The following PCDHA4 variants were observed in gnomAD, a reference collection of about 807,000 sequenced individuals.
PCDHA4 encodes protocadherin alpha 4.
A neutral mutation model predicts 61.4 loss-of-function variants in PCDHA4; 49 were observed. The observed-to-expected ratio is 0.80, with a 90% CI of 0.63 to 1.01. The LOEUF (loss-of-function observed/expected upper bound fraction) is 1.01. PCDHA4 is among the 50% of genes least tolerant of loss of function. The pLI is 0.00. For synonymous variants in PCDHA4, 590 were observed against 550.3 expected, an observed-to-expected ratio of 1.07 and a Z score of -1.01; for missense variants, 1,254 against 1,235.8, an observed-to-expected ratio of 1.01 and a Z score of -0.22.
intron 1 of PCDHA4, 27 bp from the exon 2 acceptor site, chr5:140,978,922 C>G: frequency 6.2e-7 from 1 of 1,613,966 alleles, no homozygotes; most frequent in Non-Finnish European, 8.5e-7. Context: ...GTCATTTTAA[C>G]AGAAAACTCT....
intron 1 of PCDHA4, among the ~76,000 whole-genome samples, chr5:140,978,203 C>T (rs1231262283): frequency 6.6e-6 from 1 of 152,178 alleles, no homozygotes; most frequent in East Asian, 1.9e-4. Context: ...CAATACACAA[C>T]TAATGCAAAA....
intron 1 of PCDHA4, chr5:140,828,380 G>T (rs150162226): frequency 6.2e-6 from 10 of 1,603,536 alleles, no homozygotes; most frequent in African/African-American, 1.3e-5. Flanking sequence ...GGAGCTGTGC[G>T]GGCGGAGCGC....
intron 1 of PCDHA4, chr5:140,843,814 GA>G (rs1158286974): frequency 7.9e-7 from 1 of 1,259,766 alleles, no homozygotes; most frequent in African/African-American, 1.5e-5. Context: ...ATTTTATAGT[GA>G]AAATTTAAAC....
intron 1 of PCDHA4, among the ~76,000 whole-genome samples, chr5:140,934,564 A>T (rs2089922231): frequency 6.6e-6 from 1 of 152,076 alleles, no homozygotes; most frequent in African/African-American, 2.4e-5. Flanking sequence ...TCTTTTTTTT[A>T]ATTAATTGTA....
At chr5:140,905,182 A>C (rs1283931938) in intron 1 of PCDHA4, among the ~76,000 whole-genome samples, 1 of 152,172 alleles carries the variant, frequency 6.6e-6, no homozygotes. Context: ...TTTAGATTTA[A>C]GTCTTTGATC....
chr5:140,866,796 G>T (rs1360079320), intron 1 of PCDHA4: 1 of 152,128 alleles, frequency 6.6e-6, no homozygotes, highest in African/African-American at 2.4e-5. Flanking sequence ...TATAGTAAAA[G>T]TCAGGCACAA....
intron 1 of PCDHA4, among the ~76,000 whole-genome samples, chr5:140,925,206 G>A (rs576558414): frequency 1.3e-5 from 2 of 152,234 alleles, no homozygotes; most frequent in South Asian, 2.1e-4. Context: ...AATAATTATC[G>A]ATACTTTTAG....
intron 1 of PCDHA4, among the ~76,000 whole-genome samples, chr5:140,827,210 A>G (rs1178615911): frequency 1.3e-5 from 2 of 152,226 alleles, no homozygotes; most frequent in Non-Finnish European, 2.9e-5. Context: ...AGTGAGAACA[A>G]TTAAAGGAAA....
rs578208339 is a variant in PCDHA4 at position 141,001,194 on chromosome 5, C to G, written c.2534-8433C>G. Among the ~76,000 whole-genome samples the G allele has an allele frequency of 1.1e-4, 17 of 152,218 alleles. 1 individual carries two copies. In the South Asian group the frequency reaches 3.3e-3, roughly 30 times the overall value. On this transcript the variant is annotated intron_variant, in intron 3 of 3. Coordinates refer to ENST00000530339, the MANE Select transcript of PCDHA4 (RefSeq NM_018907.4). ...ACGAGTTTTTACTTTGCACCATGCA[C>G]TTATGCTATGTGCTGTATAAGGATA...
intron 1 of PCDHA4, among the ~76,000 whole-genome samples, chr5:140,938,625 T>G (rs2092136082): frequency 6.6e-6 from 1 of 152,220 alleles, no homozygotes; most frequent in African/African-American, 2.4e-5. Flanking sequence ...AAACTCAGGT[T>G]GCTTATGATG....
At chr5:140,821,790 G>C in intron 1 of PCDHA4, 1 of 1,612,306 alleles carries the variant, frequency 6.2e-7, no homozygotes, top group Non-Finnish European at 8.5e-7. Flanking sequence ...TATATTCCCG[G>C]AGAGGAAGTC....
At chr5:140,948,563 AT>A (rs1400147953) in intron 1 of PCDHA4, among the ~76,000 whole-genome samples, 1 of 151,546 alleles carries the variant, frequency 6.6e-6, no homozygotes, top group East Asian at 1.9e-4. Context: ...GTTAAGTTGT[AT>A]TTTTTAAAGG....
intron 1 of PCDHA4, chr5:140,836,561 G>A (rs1554136082): frequency 1.1e-5 from 18 of 1,613,566 alleles, no homozygotes; most frequent in Admixed American, 1.7e-5. Flanking sequence ...GCTCAGCGCC[G>A]TCCTCTGAGG....
chr5:140,830,104 G>A (rs2150181173), intron 1 of PCDHA4: 1 of 1,613,630 alleles, frequency 6.2e-7, no homozygotes, highest in Admixed American at 1.7e-5. Flanking sequence ...CGCTGGTGGA[G>A]AGTGGCCAGG....
At chr5:140,867,674 T>C (rs1450203824) in intron 1 of PCDHA4, 1 of 152,128 alleles carries the variant, frequency 6.6e-6, no homozygotes, top group Non-Finnish European at 1.5e-5. Flanking sequence ...CTCTAAAATT[T>C]TGTTGCATCT....
chr5:140,915,363 G>C (rs1554196864), intron 1 of PCDHA4, among the ~76,000 whole-genome samples: 1 of 152,136 alleles, frequency 6.6e-6, no homozygotes, highest in Non-Finnish European at 1.5e-5. Context: ...ATTCTTACCA[G>C]TAAGTGTCTC....
At chr5:140,884,581 C>A in intron 1 of PCDHA4, 1 of 1,614,184 alleles carries the variant, frequency 6.2e-7, no homozygotes, top group African/African-American at 1.3e-5. Context: ...ACCTCATGGC[C>A]TTCAGTCCCA....
intron 1 of PCDHA4, chr5:140,828,427 G>A: frequency 6.2e-7 from 1 of 1,614,282 alleles, no homozygotes; most frequent in Non-Finnish European, 8.5e-7. Context: ...TCGTGGACAG[G>A]CCGCTGCAGG....
intron 1 of PCDHA4, chr5:140,882,644 A>G (rs368491324): frequency 1.9e-6 from 3 of 1,614,138 alleles, no homozygotes; most frequent in Admixed American, 1.7e-5. Flanking sequence ...GGTGAGGGAC[A>G]TTAACGACAA....
Sources: gnomAD v4.1 joint callset for allele counts (sites outside exome capture counted in the v4.1 genomes callset) on GRCh38, gnomAD v4.1.1 for gene constraint, MANE v1.5 for transcripts, NCBI Gene and HGNC (gene_info 2026-07-23, HGNC 2026-07-21) for gene names.